DRC7: variants seen among roughly 807,000 people sequenced by gnomAD.
DRC7 encodes the protein dynein regulatory complex subunit 7.
A neutral mutation model predicts 104.4 loss-of-function variants in DRC7; 80 were observed. The observed-to-expected ratio is 0.77, with a 90% CI of 0.64 to 0.92. The LOEUF (loss-of-function observed/expected upper bound fraction) is 0.92. Ranked by LOEUF, DRC7 falls within the 40% of genes least tolerant of loss-of-function variation. The probability of loss-of-function intolerance (pLI) is 0.00; values close to 1 mark genes in which losing one functional copy is unlikely to be tolerated. For synonymous variants in DRC7, 405 were observed against 447.3 expected, an observed-to-expected ratio of 0.91 and a Z score of 1.19; for missense variants, 1,034 against 1,141.1, an observed-to-expected ratio of 0.91 and a Z score of 1.35.
At chr16:57,728,150 G>C (rs2048993562) in intron 16 of DRC7, among the ~76,000 whole-genome samples, 1 of 152,220 alleles carries the variant, frequency 6.6e-6, no homozygotes, top group African/African-American at 2.4e-5. Context: ...CCTCAGAGAA[G>C]GAAACCAAAG....
chr16:57,721,472 T>A (rs1334065183), intron 9 of DRC7, among the ~76,000 whole-genome samples, 195 bp from the exon 10 acceptor site: 2 of 152,022 alleles, frequency 1.3e-5, no homozygotes, highest in Non-Finnish European at 2.9e-5. Context: ...CAGGCAAGTA[T>A]AGGGAAGGGC....
At position 57,722,613 on chromosome 16, in the gene DRC7, T is replaced by G; in HGVS notation, c.1280-100T>G. 3 of 1,512,356 alleles carry G rather than the reference T, an allele frequency of 2.0e-6. No homozygotes were observed. In the South Asian group the frequency reaches 3.6e-5, roughly 18 times the overall value. The allele number at this position is 1,512,356 out of a possible 1,614,324, so 93.7% of individuals were successfully genotyped here. A position where few individuals can be genotyped will look rare whatever the true frequency, so the allele number is the denominator to read the frequency against. ...CAGGCTTGGGGCTGGAGGAGTTCAG[T>G]ACACAGAGAACGGGCAGTGGATGGA... On this transcript the variant is annotated intron_variant, in intron 10 of 18. Transcript: ENST00000360716.
chr16:57,724,570 A>C (rs2148768498), intron 12 of DRC7, 45 bp from the exon 13 acceptor site: 1 of 1,422,580 alleles, frequency 7.0e-7, no homozygotes, highest in African/African-American at 1.4e-5. Context: ...CATACTTCCT[A>C]GTGCTTATGA....
chr16:57,717,616 T>C (rs1482015894), intron 8 of DRC7, among the ~76,000 whole-genome samples: 1 of 151,682 alleles, frequency 6.6e-6, no homozygotes, highest in Admixed American at 6.6e-5. Context: ...GGAAAATCGC[T>C]TGAACCTGGG....
chr16:57,729,234 G>T (rs1439579868), intron 17 of DRC7, among the ~76,000 whole-genome samples: 1 of 140,122 alleles, frequency 7.1e-6, no homozygotes, highest in Non-Finnish European at 1.5e-5. Flanking sequence ...GGGTGGGTGG[G>T]TGGATAGATG....
intron 9 of DRC7, among the ~76,000 whole-genome samples, chr16:57,719,925 C>G (rs2048885157): frequency 6.6e-6 from 1 of 152,160 alleles, no homozygotes; most frequent in Non-Finnish European, 1.5e-5. Context: ...AAGACAACAA[C>G]AACAACAAAG....
Position 57,722,818 on chromosome 16 carries a change from TCA to T in DRC7, c.1387_1388del (p.Thr463HisfsTer3), listed in dbSNP as rs2048918509. The T allele has an allele frequency of 6.2e-7, 1 of 1,613,828 alleles. No individual in the cohort carries two copies. Among genetic ancestry groups the T allele is most frequent in the Admixed American group, 1.7e-5 (1 of 60,010 alleles). ...AATAGCAATGGCCTTGTGAGCCGCCTCACCACCTATGAGGACTTGCAGTGTAA... is the reference window on the plus strand; with the variant it reads ...AATAGCAATGGCCTTGTGAGCCGCCTCCACCTATGAGGACTTGCAGTGTAA... On this transcript the variant is annotated frameshift_variant, in exon 11 of 19. Transcript: ENST00000360716. LOFTEE classifies it high-confidence loss of function.
At chr16:57,727,155 C>T (rs1245358698) in intron 15 of DRC7, 144 bp from the exon 16 acceptor site, 1 of 720,316 alleles carries the variant, frequency 1.4e-6, no homozygotes, top group African/African-American at 1.8e-5. Context: ...TGTTTTTTAA[C>T]AGATGGGGTT....
intron 8 of DRC7, among the ~76,000 whole-genome samples, chr16:57,710,548 A>T (rs2048781955): frequency 6.6e-6 from 1 of 152,236 alleles, no homozygotes; most frequent in Admixed American, 6.5e-5. Context: ...AGAAGTGATG[A>T]AAGCAAACCT....
chr16:57,717,474 G>GT (rs1957065185), intron 8 of DRC7, among the ~76,000 whole-genome samples: 1 of 151,136 alleles, frequency 6.6e-6, no homozygotes, highest in Admixed American at 6.6e-5. Context: ...CAAGGCAGGC[G>GT]TATCACTTGA....
At position 57,728,405 on chromosome 16, in the gene DRC7, G is replaced by A. The variant is rs373094122; in HGVS notation, c.2212G>A (p.Glu738Lys). The change falls in exon 17 of 19, where the codon GAA becomes AAA. Residue 738 changes from glutamate (E) to lysine (K), a missense_variant. By Grantham distance (56) the Glu-to-Lys change is moderately conservative. Coordinates refer to ENST00000360716, the MANE Select transcript of DRC7 (RefSeq NM_001289162.2). ...ACCTTTACAGGAGCGCATGATGCAC[G>A]AAGAGCACCTGCGGCAGGTGGAGAC... ...YREAMERMMHEEHLRQVETQL... is the reference protein window; with the variant it reads ...YREAMERMMHKEHLRQVETQL... 6 of 1,601,820 alleles carry A rather than the reference G, an allele frequency of 3.7e-6. No homozygotes were observed. The highest frequency in any genetic ancestry group is 1.1e-5 in the South Asian group (1 of 89,944).
intron 3 of DRC7, 26 bp from the exon 4 acceptor site, chr16:57,698,824 C>G (rs748333404): frequency 6.2e-7 from 1 of 1,608,486 alleles, no homozygotes; most frequent in South Asian, 1.1e-5. Context: ...CATGGCTTCC[C>G]TAATGCCATC....
chr16:57,701,940 C>A lies in DRC7; in HGVS notation c.509C>A (p.Ser170Ter). 6.2e-7 allele frequency: 1 copy of A among 1,613,592 alleles called. No homozygotes were observed. Among genetic ancestry groups the A allele is most frequent in the Non-Finnish European group, 8.5e-7 (1 of 1,179,752 alleles). ...VPLPDPLKPP[S>*]HLYSSTTVLK... is the part of the protein sequence containing the mutation. ...TGACCGTCCCACTGTGACCAGCCCT[C>A]GCACCTGTACTCCTCGACCACTGTG... is the stretch of plus-strand genomic sequence containing the variant. The change falls in exon 6 of 19, where the codon TCG becomes TAG. Residue 170 changes from serine (S) to a stop codon, truncating the protein, a stop_gained. Transcript: ENST00000360716. LOFTEE classifies it high-confidence loss of function.
intron 8 of DRC7, among the ~76,000 whole-genome samples, chr16:57,717,257 C>G (rs2048852687): frequency 7.7e-6 from 1 of 129,924 alleles, no homozygotes; most frequent in South Asian, 2.5e-4. Flanking sequence ...TTTGGAGAGA[C>G]AGGGTCTTAC....
At chr16:57,715,869 G>A (rs957510122) in intron 8 of DRC7, among the ~76,000 whole-genome samples, 2 of 152,316 alleles carry the variant, frequency 1.3e-5, no homozygotes, top group South Asian at 2.1e-4. Context: ...ATCAGGCTCC[G>A]AGGTGAAGGT....
At chr16:57,719,666 T>C (rs1206639033) in intron 9 of DRC7, among the ~76,000 whole-genome samples, 2 of 152,076 alleles carry the variant, frequency 1.3e-5, no homozygotes, top group Non-Finnish European at 2.9e-5. Context: ...CACACCACCA[T>C]ACCCAGCTAA....
chr16:57,730,099 GAGT>G (rs2049040461), intron 17 of DRC7, among the ~76,000 whole-genome samples: 1 of 137,480 alleles, frequency 7.3e-6, no homozygotes. Flanking sequence ...GTGGGTGGAT[GAGT>G]GAGTGAGCGG....
intron 8 of DRC7, among the ~76,000 whole-genome samples, chr16:57,716,290 G>T (rs62039920): frequency 0.061 from 9,222 of 152,092 alleles, 573 homozygotes; most frequent in East Asian, 0.23. Flanking sequence ...ATCACTTGAG[G>T]CCAGGAGTTC....
Position 57,699,943 on chromosome 16 carries a change from C to T in DRC7, c.379-202C>T, listed in dbSNP as rs947560891. Among the ~76,000 whole-genome samples the T allele has an allele frequency of 6.6e-5, 10 of 152,334 alleles. No homozygotes were observed. In the East Asian group the frequency reaches 1.5e-3, roughly 23 times the overall value. On this transcript the variant is annotated intron_variant, in intron 4 of 18. Coordinates refer to ENST00000360716, the MANE Select transcript of DRC7 (RefSeq NM_001289162.2). ...AAGGGCCTCCCAGTCATTGCCACTG[C>T]GCCACTGATGGCTGCCATGTGCCAG...
Sources: allele counts gnomAD v4.1 joint callset (sites outside exome capture counted in the v4.1 genomes callset), GRCh38; gene constraint gnomAD v4.1.1; transcripts MANE v1.5; gene names NCBI Gene and HGNC (gene_info 2026-07-23, HGNC 2026-07-21).